TRIM2: variants seen among roughly 807,000 people sequenced by gnomAD.
The protein encoded by TRIM2 is tripartite motif-containing protein 2.
TRIM2 carries 20 observed loss-of-function variants against 75.2 expected under a neutral mutation model. The ratio of observed to expected loss-of-function variants is 0.27; its 90% CI spans 0.19 to 0.39. The LOEUF (loss-of-function observed/expected upper bound fraction) is 0.39. Among genes scored for constraint, TRIM2 ranks in the 10% least tolerant of loss-of-function variants. The pLI is 1.00. For missense variants in TRIM2, 660 were observed against 990.8 expected (o/e 0.67, Z 4.48); for synonymous variants, 373 against 388.3 (o/e 0.96, Z 0.46).
intron 6 of TRIM2, among the ~76,000 whole-genome samples, chr4:153,307,063 T>C (rs1765168378): frequency 6.6e-6 from 1 of 152,164 alleles, no homozygotes. Context: ...TGTGAGTGAG[T>C]TATTACATTA....
At chr4:153,155,177 T>G (rs770420448) in intron 1 of TRIM2, among the ~76,000 whole-genome samples, 5 of 152,164 alleles carry the variant, frequency 3.3e-5, no homozygotes, top group Admixed American at 6.5e-5. Flanking sequence ...GTCCCAAATT[T>G]TGGTTTTCCA....
At chr4:153,263,619 G>A (rs985494080) in intron 1 of TRIM2, among the ~76,000 whole-genome samples, 2 of 152,148 alleles carry the variant, frequency 1.3e-5, no homozygotes, top group South Asian at 2.1e-4. Context: ...GGGGGAGGGC[G>A]GAGACAATAT....
intron 1 of TRIM2, among the ~76,000 whole-genome samples, chr4:153,164,881 C>G (rs1354300207): frequency 6.6e-6 from 1 of 152,006 alleles, no homozygotes; most frequent in Non-Finnish European, 1.5e-5. Flanking sequence ...AAGTAGTTTA[C>G]TATAGTTGTG....
At chr4:153,156,458 G>A (rs562709741) in intron 1 of TRIM2, among the ~76,000 whole-genome samples, 2 of 152,156 alleles carry the variant, frequency 1.3e-5, no homozygotes, top group South Asian at 4.1e-4. Flanking sequence ...TCTTAACCAC[G>A]CCTGCCACCT....
At chr4:153,332,245 G>A (rs559351399) in intron 11 of TRIM2, among the ~76,000 whole-genome samples, 2 of 152,178 alleles carry the variant, frequency 1.3e-5, no homozygotes, top group Non-Finnish European at 2.9e-5. Flanking sequence ...AACAGACTGA[G>A]AGAAAATATT....
chr4:153,327,133 A>C (rs1770415407), intron 10 of TRIM2, among the ~76,000 whole-genome samples: 1 of 152,238 alleles, frequency 6.6e-6, no homozygotes, highest in Non-Finnish European at 1.5e-5. Flanking sequence ...AGGAGACAAA[A>C]AGAGTCAGAA....
chr4:153,278,652 A>G (rs1423586710), intron 3 of TRIM2, among the ~76,000 whole-genome samples: 1 of 152,146 alleles, frequency 6.6e-6, no homozygotes, highest in Non-Finnish European at 1.5e-5. Flanking sequence ...TACAAAAATC[A>G]GCTGGGCATG....
chr4:153,158,787 C>T (rs777588458), intron 1 of TRIM2, among the ~76,000 whole-genome samples: 6 of 152,034 alleles, frequency 3.9e-5, no homozygotes, highest in East Asian at 1.9e-4. Context: ...GGGCTTTGAG[C>T]GGTGATCTAG....
upstream of TRIM2, among the ~76,000 whole-genome samples, chr4:153,203,103 CAAAA>C (rs200371158): frequency 1.1e-5 from 1 of 87,350 alleles, no homozygotes; most frequent in South Asian, 4.1e-4. Flanking sequence ...GACTCCATCT[CAAAA>C]AAAAAAAAAA....
Position 153,191,447 on chromosome 4 carries a change from G to A in TRIM2, c.-49+38177G>A, listed in dbSNP as rs78085929. Among the ~76,000 whole-genome samples the A allele has an allele frequency of 6.5e-3, 987 of 152,316 alleles. 11 individuals carry two copies. The highest frequency in any genetic ancestry group is 0.021 in the African/African-American group (881 of 41,564). On this transcript the variant is annotated intron_variant, in intron 1 of 11. Coordinates refer to the TRIM2 transcript ENST00000437508. ...CACTTTAAATTGAACATCCATCCCC[G>A]AGTGGATGCTTAAAAATGCAATAAT...
intron 1 of TRIM2, among the ~76,000 whole-genome samples, chr4:153,224,078 G>A (rs1269851872): frequency 1.2e-4 from 19 of 152,154 alleles, no homozygotes; most frequent in Admixed American, 1.2e-3. Flanking sequence ...CTGCTTCCCA[G>A]CTCCACGTGA....
At chr4:153,265,305 A>G (rs1385497307) in intron 1 of TRIM2, among the ~76,000 whole-genome samples, 3 of 151,688 alleles carry the variant, frequency 2.0e-5, no homozygotes, top group Admixed American at 6.6e-5. Flanking sequence ...ATTTCGACGG[A>G]AAAGTTTTTT....
intron 10 of TRIM2, among the ~76,000 whole-genome samples, chr4:153,326,195 T>A (rs2149573087): frequency 1.3e-5 from 2 of 152,350 alleles, no homozygotes; most frequent in Middle Eastern, 6.8e-3. Flanking sequence ...TTTGTTTTCA[T>A]GTGAATAATT....
rs144817840 is a variant in TRIM2 at position 153,224,379 on chromosome 4, T to C, written c.30+19819T>C. On this transcript the variant is annotated intron_variant, in intron 1 of 11. Transcript: ENST00000338700. The stretch of plus-strand genomic sequence containing the variant: ...CTGAGTTGGGCAGGGCCATCTACAC[T>C]AATGAAAAGTCTTCTAGGTGAGGTA... 1.8e-4 allele frequency among the ~76,000 whole-genome samples: 27 copies of C among 152,314 alleles called. No individual in the cohort carries two copies. The Middle Eastern group carries it at 0.01, about 58-fold the overall frequency.
chr4:153,221,739 T>C (rs28584057), intron 1 of TRIM2, among the ~76,000 whole-genome samples: 107,142 of 138,722 alleles, frequency 0.77, 40,824 homozygotes, highest in African/African-American at 0.91. Flanking sequence ...AAGGAAAGAG[T>C]GAGGAAGGGA....
intron 1 of TRIM2, among the ~76,000 whole-genome samples, chr4:153,251,911 G>T (rs1750966155): frequency 6.9e-6 from 1 of 145,560 alleles, no homozygotes. Context: ...AGCCCAGGAG[G>T]TCGAGCAGCA....
chr4:153,232,413 C>T (rs753490866), intron 1 of TRIM2, among the ~76,000 whole-genome samples: 2 of 152,174 alleles, frequency 1.3e-5, no homozygotes, highest in African/African-American at 2.4e-5. Flanking sequence ...GCAGAAGAAT[C>T]GTTTGAACCT....
intron 1 of TRIM2, among the ~76,000 whole-genome samples, chr4:153,159,372 T>G (rs1729541086): frequency 7.9e-6 from 1 of 127,060 alleles, no homozygotes; most frequent in Admixed American, 1.0e-4. Flanking sequence ...GACATGAACA[T>G]AGGTCACTGC....
At chr4:153,259,975 A>C (rs778973309) in intron 1 of TRIM2, among the ~76,000 whole-genome samples, 26 of 152,136 alleles carry the variant, frequency 1.7e-4, no homozygotes, top group Admixed American at 9.8e-4. Context: ...CTATTTTTCC[A>C]TTAAGTGCTT....
Sources: allele counts gnomAD v4.1 joint callset (sites outside exome capture counted in the v4.1 genomes callset), GRCh38; gene constraint gnomAD v4.1.1; transcripts MANE v1.5; gene names NCBI Gene and HGNC (gene_info 2026-07-23, HGNC 2026-07-21).